RBX1: variants seen among roughly 807,000 people sequenced by gnomAD.
RBX1 encodes the protein ring-box 1, also known as E3 ubiquitin-protein ligase RBX1.
For missense variants in RBX1, 46 were observed against 141.4 expected (o/e 0.33, Z 3.42); for synonymous variants, 48 against 47.9 (o/e 1.00, Z -0.01).
At position 40,964,032 on chromosome 22, in the gene RBX1, C is replaced by T. The variant is rs2058347738; in HGVS notation, c.158-15C>T. 1 of 1,610,518 alleles carries T rather than the reference C, an allele frequency of 6.2e-7. No homozygotes were observed. Among genetic ancestry groups the T allele is most frequent in the Non-Finnish European group, 8.5e-7 (1 of 1,176,738 alleles). On this transcript the variant is annotated splice_polypyrimidine_tract_variant and intron_variant, in intron 2 of 4. Coordinates refer to ENST00000216225, the MANE Select transcript of RBX1 (RefSeq NM_014248.4). ...CTCCCAAGGTCCAGTGATCCTGTTGCTCTTGTTCCCACAGGCATAGAATGT... is the reference window on the plus strand; with the variant it reads ...CTCCCAAGGTCCAGTGATCCTGTTGTTCTTGTTCCCACAGGCATAGAATGT...
intron 2 of RBX1, among the ~76,000 whole-genome samples, chr22:40,959,593 G>A (rs538138133): frequency 2.1e-4 from 32 of 152,214 alleles, no homozygotes; most frequent in African/African-American, 7.7e-4. Flanking sequence ...CGTGGATCGT[G>A]TGAGGCCAGA....
intron 4 of RBX1, among the ~76,000 whole-genome samples, chr22:40,968,581 A>T (rs1422256019): frequency 6.6e-6 from 1 of 152,192 alleles, no homozygotes; most frequent in Non-Finnish European, 1.5e-5. Flanking sequence ...TATAGCATTT[A>T]TGGCTATCCT....
intron 2 of RBX1, among the ~76,000 whole-genome samples, chr22:40,956,398 T>C (rs551812643): frequency 1.3e-5 from 2 of 151,190 alleles, no homozygotes; most frequent in African/African-American, 4.8e-5. Flanking sequence ...CTTTACCTTT[T>C]TTTTTTTTTT....
intron 2 of RBX1, among the ~76,000 whole-genome samples, chr22:40,962,859 A>AT (rs756486745): frequency 0.041 from 5,099 of 123,004 alleles, 313 homozygotes; most frequent in African/African-American, 0.14. Flanking sequence ...CGCCCAGCTA[A>AT]TTTTTTTTTT....
chr22:40,963,090 T>C (rs1192745452), intron 2 of RBX1, among the ~76,000 whole-genome samples: 1 of 151,722 alleles, frequency 6.6e-6, no homozygotes, highest in Non-Finnish European at 1.5e-5. Flanking sequence ...TCCGCCTGCC[T>C]CAGCCTCCCA....
intron 4 of RBX1, among the ~76,000 whole-genome samples, chr22:40,969,149 A>G (rs1466727220): frequency 6.6e-6 from 1 of 152,024 alleles, no homozygotes; most frequent in East Asian, 1.9e-4. Flanking sequence ...CCCCGTCTCT[A>G]CTAAAAATGC....
intron 3 of RBX1, among the ~76,000 whole-genome samples, chr22:40,965,414 GGTTTTTTGTTTTTTTTTTTGTTTTTT>G (rs1569044951): frequency 6.6e-6 from 1 of 151,102 alleles, no homozygotes; most frequent in Non-Finnish European, 1.5e-5. Context: ...TACCTACACT[GGTTTTTTGTTTTTTTTTTTGTTTTTT>G]GTTTTTTGTT....
intron 3 of RBX1, 36 bp from the exon 4 acceptor site, chr22:40,967,763 A>T (rs377102007): frequency 1.3e-6 from 2 of 1,567,844 alleles, no homozygotes; most frequent in Non-Finnish European, 8.8e-7. Flanking sequence ...GAGCCTGCAT[A>T]GAGTTATTTT....
chr22:40,958,666 A>G (rs978532550), intron 2 of RBX1, among the ~76,000 whole-genome samples: 105 of 152,076 alleles, frequency 6.9e-4, no homozygotes, highest in African/African-American at 2.5e-3. Context: ...TATTTTCTCT[A>G]TTACCTCTGG....
intron 3 of RBX1, among the ~76,000 whole-genome samples, chr22:40,965,440 T>G (rs182763888): frequency 6.6e-6 from 1 of 151,910 alleles, no homozygotes; most frequent in East Asian, 1.9e-4. Flanking sequence ...TTTTGTTTTT[T>G]GTTTTTTGTT....
intron 2 of RBX1, among the ~76,000 whole-genome samples, chr22:40,960,311 G>A (rs887340793): frequency 3.3e-5 from 5 of 152,134 alleles, no homozygotes; most frequent in Admixed American, 6.5e-5. Flanking sequence ...GATGTGTTAA[G>A]AGTGCCTGAA....
At chr22:40,956,631 A>C (rs974663750) in intron 2 of RBX1, among the ~76,000 whole-genome samples, 3 of 151,832 alleles carry the variant, frequency 2.0e-5, no homozygotes, top group Non-Finnish European at 1.5e-5. Flanking sequence ...GATTACAGAC[A>C]TGACCCATTC....
intron 2 of RBX1, among the ~76,000 whole-genome samples, chr22:40,961,787 CTG>C (rs139232745): frequency 9.4e-5 from 14 of 149,064 alleles, no homozygotes; most frequent in South Asian, 4.3e-4. Context: ...TTTGCTTTCT[CTG>C]TGTGTGTGTG....
Position 40,972,826 on chromosome 22 carries a change from C to G in RBX1, c.*338C>G, listed in dbSNP as rs1432761406. On this transcript the variant is annotated 3_prime_UTR_variant, in exon 5 of 5. Transcript: ENST00000216225. ...CTTAGTGACGAGGAATCCAACAGCTCAAGGCAGAGTGTGGATCACCGGCTC... is the reference window on the plus strand; with the variant it reads ...CTTAGTGACGAGGAATCCAACAGCTGAAGGCAGAGTGTGGATCACCGGCTC... 1 of 207,052 alleles carries G rather than the reference C, an allele frequency of 4.8e-6. No individual in the cohort carries two copies. Among genetic ancestry groups the G allele is most frequent in the Non-Finnish European group, 9.9e-6 (1 of 101,278 alleles). 12.8% of individuals were successfully genotyped at this position (207,052 alleles called of 1,614,324 possible). A position where few individuals can be genotyped will look rare whatever the true frequency, so the allele number is the denominator to read the frequency against.
intron 2 of RBX1, among the ~76,000 whole-genome samples, chr22:40,956,481 CTGGGA>C (rs2058325683): frequency 6.7e-6 from 1 of 150,024 alleles, no homozygotes; most frequent in Non-Finnish European, 1.5e-5. Context: ...TCCCAAGTAG[CTGGGA>C]CTACAGGTGT....
intron 2 of RBX1, among the ~76,000 whole-genome samples, chr22:40,962,772 A>C (rs1301567847): frequency 2.0e-5 from 3 of 151,198 alleles, no homozygotes; most frequent in Non-Finnish European, 4.4e-5. Flanking sequence ...GGCTCACTGC[A>C]AGCTCCGCCT....
chr22:40,963,898 T>C, intron 2 of RBX1, 149 bp from the exon 3 acceptor site: 1 of 636,718 alleles, frequency 1.6e-6, no homozygotes, highest in Non-Finnish European at 2.9e-6. Context: ...GAAAGCATAC[T>C]GTTATCTCTG....
intron 2 of RBX1, 48 bp from the exon 3 acceptor site, chr22:40,963,999 C>A: frequency 1.4e-6 from 2 of 1,433,040 alleles, no homozygotes; most frequent in Non-Finnish European, 2.0e-6. Context: ...TAGATTGAAA[C>A]GTTGCTGCTC....
At chr22:40,951,528 G>A (rs771036526) in intron 1 of RBX1, 52 bp downstream of exon 1, 2 of 1,567,918 alleles carry the variant, frequency 1.3e-6, no homozygotes, top group Non-Finnish European at 1.7e-6. Context: ...CGCGGATCTG[G>A]CTGGCAGGCC....
Sources: gnomAD v4.1 joint callset for allele counts (sites outside exome capture counted in the v4.1 genomes callset) on GRCh38, gnomAD v4.1.1 for gene constraint, MANE v1.5 for transcripts, NCBI Gene and HGNC (gene_info 2026-07-23, HGNC 2026-07-21) for gene names.